Variants in UMAD1 observed in about 807,000 individuals in gnomAD.
The protein encoded by UMAD1 is UBAP1-MVB12-associated (UMA)-domain containing protein 1.
A neutral mutation model predicts 6.1 loss-of-function variants in UMAD1; 8 were observed. The ratio of observed to expected loss-of-function variants is 1.30; its 90% CI spans 0.76 to 2.35. The LOEUF (loss-of-function observed/expected upper bound fraction) is 2.35. Ranked by LOEUF, UMAD1 falls within the 30% of genes most tolerant of loss-of-function variation. UMAD1 has a pLI of 0.00. For synonymous variants in UMAD1, 56 were observed against 31.4 expected (o/e 1.78, Z -2.61); for missense variants, 130 against 78.4 (o/e 1.66, Z -2.49).
At chr7:7,825,257 A>G (rs1783317627) in intron 3 of UMAD1, among the ~76,000 whole-genome samples, 1 of 152,160 alleles carries the variant, frequency 6.6e-6, no homozygotes, top group Non-Finnish European at 1.5e-5. Flanking sequence ...GTCCATTCAC[A>G]ACGAGATAGT....
chr7:7,676,156 A>G, intron 2 of UMAD1: 1 of 398,656 alleles, frequency 2.5e-6, no homozygotes, highest in Non-Finnish European at 4.4e-6. Flanking sequence ...ACCCTGGGTC[A>G]GACCCTTTGG....
At chr7:7,704,221 C>T (rs956248964) in intron 2 of UMAD1, among the ~76,000 whole-genome samples, 1 of 152,084 alleles carries the variant, frequency 6.6e-6, no homozygotes, top group African/African-American at 2.4e-5. Flanking sequence ...TATAAGGCTA[C>T]TCTTTTTACT....
intron 1 of UMAD1, among the ~76,000 whole-genome samples, chr7:7,644,413 G>T (rs1785049772): frequency 2.7e-5 from 4 of 146,820 alleles, no homozygotes; most frequent in Admixed American, 1.4e-4. Flanking sequence ...TCCCCCTTAA[G>T]TTTAATGTAG....
At chr7:7,742,276 G>A in intron 2 of UMAD1, 1 of 662,182 alleles carries the variant, frequency 1.5e-6, no homozygotes. Context: ...GCGTGCTGTT[G>A]TCTTCTGTCT....
At chr7:7,756,725 G>A (rs1252794994) in intron 2 of UMAD1, among the ~76,000 whole-genome samples, 1 of 152,188 alleles carries the variant, frequency 6.6e-6, no homozygotes, top group Non-Finnish European at 1.5e-5. Flanking sequence ...TTTCTGCTGT[G>A]CAAGTAATCT....
In UMAD1 at chr7:7,843,978, A is replaced by T. The variant is rs117661852; in HGVS notation, c.157-33303A>T. 2.0e-3 allele frequency among the ~76,000 whole-genome samples: 310 copies of T among 152,324 alleles called. 5 individuals carry two copies. The East Asian group carries it at 0.039, about 19-fold the overall frequency. ...TGCTTGCAAGAGTAAACTGAGTGAG[A>T]TACTAATTCTTGGTTTATGACAAAG... On this transcript the variant is annotated intron_variant, in intron 3 of 3. Coordinates refer to ENST00000682710, the MANE Select transcript of UMAD1 (RefSeq NM_001302348.2).
At chr7:7,664,554 G>A (rs998455156) in intron 1 of UMAD1, among the ~76,000 whole-genome samples, 2 of 152,098 alleles carry the variant, frequency 1.3e-5, no homozygotes, top group African/African-American at 4.8e-5. Flanking sequence ...TTCCTCTAGT[G>A]AGGTTAATCT....
chr7:7,733,876 A>G (rs1053513716), intron 2 of UMAD1, among the ~76,000 whole-genome samples: 3 of 152,062 alleles, frequency 2.0e-5, no homozygotes, highest in African/African-American at 7.2e-5. Flanking sequence ...CACACATAAT[A>G]TGAACATCTC....
rs555624458 is a variant in UMAD1, at chr7:7,729,004, G to A, written c.82+55551G>A. Among the ~76,000 whole-genome samples the A allele has an allele frequency of 2.0e-5, 3 of 152,342 alleles. No homozygotes were observed. In the South Asian group the frequency reaches 6.2e-4, roughly 32 times the overall value. On this transcript the variant is annotated intron_variant, in intron 2 of 3. Coordinates refer to ENST00000682710, the MANE Select transcript of UMAD1 (RefSeq NM_001302348.2). ...AAGTGTAAAACTACAATGTTCATAA[G>A]TGGTATGAGAGCAGCTGACCAAATG... is the stretch of plus-strand genomic sequence containing the variant.
At chr7:7,808,897 A>T (rs1782972214) in intron 3 of UMAD1, among the ~76,000 whole-genome samples, 1 of 152,000 alleles carries the variant, frequency 6.6e-6, no homozygotes, top group Non-Finnish European at 1.5e-5. Flanking sequence ...AGTAGGATTT[A>T]TAAAGATTAT....
chr7:7,691,359 C>T (rs11771027), intron 2 of UMAD1, among the ~76,000 whole-genome samples: 7,768 of 152,166 alleles, frequency 0.051, 246 homozygotes, highest in Middle Eastern at 0.12. Context: ...ATTTTATATT[C>T]AATTAAAATA....
chr7:7,672,208 T>C (rs1287095380), intron 1 of UMAD1, among the ~76,000 whole-genome samples: 1 of 152,332 alleles, frequency 6.6e-6, no homozygotes, highest in East Asian at 1.9e-4. Context: ...CTTTCTCTTT[T>C]ATTTTTTTGG....
At chr7:7,714,519 TAAAA>T (rs1297242848) in intron 2 of UMAD1, among the ~76,000 whole-genome samples, 1 of 152,224 alleles carries the variant, frequency 6.6e-6, no homozygotes, top group African/African-American at 2.4e-5. Flanking sequence ...ATTGCTAAAA[TAAAA>T]AAGGAGCTGT....
chr7:7,650,484 C>T (rs1454843175), intron 1 of UMAD1, among the ~76,000 whole-genome samples: 1 of 152,136 alleles, frequency 6.6e-6, no homozygotes, highest in Non-Finnish European at 1.5e-5. Context: ...TGTGATTTTG[C>T]TGTAGGCTTA....
chr7:7,848,383 C>T (rs368638934), intron 3 of UMAD1, among the ~76,000 whole-genome samples: 4 of 152,040 alleles, frequency 2.6e-5, no homozygotes, highest in Non-Finnish European at 5.9e-5. Context: ...TGAAGTTACA[C>T]GAGTGTTGGT....
intron 3 of UMAD1, among the ~76,000 whole-genome samples, chr7:7,859,266 A>G (rs1784072430): frequency 1.3e-5 from 2 of 152,200 alleles, no homozygotes; most frequent in Non-Finnish European, 2.9e-5. Flanking sequence ...ATAATTATAA[A>G]GATTATTTTT....
Position 7,847,096 on chromosome 7 carries a change from AAAAAAAAAATATATAT to A in UMAD1, c.157-30183_157-30168del, listed in dbSNP as rs1783805621. Among the ~76,000 whole-genome samples, 7 of 50,064 alleles carry A rather than the reference AAAAAAAAAATATATAT, an allele frequency of 1.4e-4. 1 individual carries two copies. The highest frequency in any genetic ancestry group is 4.1e-4 in the African/African-American group (3 of 7,356). 32.8% of individuals were successfully genotyped at this position (50,064 alleles called of 152,430 possible). ...AAAAAAGACAGCAATGCAAAAAAAA[AAAAAAAAAATATATAT>A]ATATATATATATATATATATATATA... On this transcript the variant is annotated intron_variant, in intron 3 of 3. Transcript: ENST00000682710.
intron 1 of UMAD1, among the ~76,000 whole-genome samples, chr7:7,668,364 A>G (rs1464213624): frequency 3.3e-5 from 5 of 152,154 alleles, no homozygotes; most frequent in Non-Finnish European, 7.4e-5. Context: ...GCAACTAAGT[A>G]AAAAAATTTA....
intron 1 of UMAD1, among the ~76,000 whole-genome samples, chr7:7,667,567 A>G (rs909106697): frequency 6.6e-6 from 1 of 152,162 alleles, no homozygotes; most frequent in African/African-American, 2.4e-5. Context: ...GTTTTGGATC[A>G]TTGTCTGGCC....
Sources: gnomAD v4.1 joint callset for allele counts (sites outside exome capture counted in the v4.1 genomes callset) on GRCh38, gnomAD v4.1.1 for gene constraint, MANE v1.5 for transcripts, NCBI Gene and HGNC (gene_info 2026-07-23, HGNC 2026-07-21) for gene names.